MAML2: variants seen among roughly 807,000 people sequenced by gnomAD.
MAML2 encodes mastermind like transcriptional coactivator 2, also known as mastermind-like protein 2.
MAML2 carries 22 observed loss-of-function variants against 96.1 expected under a neutral mutation model. The observed-to-expected ratio is 0.23, with a 90% confidence interval of 0.16 to 0.33. The LOEUF (loss-of-function observed/expected upper bound fraction) is 0.33, where lower values mean the gene tolerates loss of function less well. Among genes scored for constraint, MAML2 ranks in the 10% least tolerant of loss-of-function variants. The pLI is 1.00. For missense variants in MAML2, 1,367 were observed against 1,392.4 expected (o/e 0.98, Z 0.29); for synonymous variants, 561 against 521.3 (o/e 1.08, Z -1.04).
chr11:96,256,822 C>T (rs1862675196), intron 1 of MAML2, among the ~76,000 whole-genome samples: 1 of 152,200 alleles, frequency 6.6e-6, no homozygotes, highest in Non-Finnish European at 1.5e-5. Context: ...GGCTGCAATA[C>T]ATCTGGTTTG....
At chr11:96,317,458 G>A (rs1863646978) in intron 1 of MAML2, among the ~76,000 whole-genome samples, 1 of 152,150 alleles carries the variant, frequency 6.6e-6, no homozygotes. Flanking sequence ...AATTATGAGG[G>A]TATGTGAGAT....
At chr11:96,305,615 A>C (rs777124014) in intron 1 of MAML2, among the ~76,000 whole-genome samples, 14 of 152,244 alleles carry the variant, frequency 9.2e-5, no homozygotes, top group Non-Finnish European at 1.8e-4. Context: ...TGGCAAAAAG[A>C]AAGTCTCATC....
At chr11:96,024,326 T>A (rs981631906) in intron 2 of MAML2, among the ~76,000 whole-genome samples, 1 of 152,266 alleles carries the variant, frequency 6.6e-6, no homozygotes, top group Non-Finnish European at 1.5e-5. Context: ...GACCTCTCTA[T>A]GCCTCAATTT....
At chr11:96,034,430 TGTGA>T (rs1174255690) in intron 2 of MAML2, among the ~76,000 whole-genome samples, 7 of 101,320 alleles carry the variant, frequency 6.9e-5, no homozygotes, top group Admixed American at 2.9e-4. Flanking sequence ...TGTGTGTGTG[TGTGA>T]GAGAGAGAGA....
At chr11:96,184,074 A>T (rs567023734) in intron 1 of MAML2, among the ~76,000 whole-genome samples, 2 of 151,818 alleles carry the variant, frequency 1.3e-5, no homozygotes, top group South Asian at 2.1e-4. Flanking sequence ...TCCTTTGAGG[A>T]TGGTACTCCC....
chr11:96,020,594 T>C (rs1249689478), intron 2 of MAML2, among the ~76,000 whole-genome samples: 1 of 152,218 alleles, frequency 6.6e-6, no homozygotes, highest in African/African-American at 2.4e-5. Flanking sequence ...CATGTGATTC[T>C]GATGCAGTGG....
chr11:96,309,104 G>A (rs1480825121), intron 1 of MAML2, among the ~76,000 whole-genome samples: 2 of 152,208 alleles, frequency 1.3e-5, no homozygotes, highest in African/African-American at 4.8e-5. Flanking sequence ...GTGTTAGCTG[G>A]CAATGTCTTT....
At chr11:96,106,015 C>T (rs1016744026) in intron 1 of MAML2, among the ~76,000 whole-genome samples, 5 of 152,148 alleles carry the variant, frequency 3.3e-5, no homozygotes, top group African/African-American at 1.2e-4. Flanking sequence ...CATTAAAATC[C>T]CACTACTTGC....
intron 1 of MAML2, among the ~76,000 whole-genome samples, chr11:96,140,376 C>G (rs553591577): frequency 6.6e-6 from 1 of 152,288 alleles, no homozygotes; most frequent in East Asian, 1.9e-4. Flanking sequence ...GAAAAGACAG[C>G]ATTAAAACCA....
intron 1 of MAML2, among the ~76,000 whole-genome samples, chr11:96,126,372 A>G (rs1431652662): frequency 1.3e-5 from 2 of 152,172 alleles, no homozygotes; most frequent in African/African-American, 4.8e-5. Flanking sequence ...AGCCTGACCA[A>G]TATGGTGAAA....
chr11:96,199,055 G>A (rs779071755), intron 1 of MAML2, among the ~76,000 whole-genome samples: 25 of 151,976 alleles, frequency 1.6e-4, no homozygotes, highest in Non-Finnish European at 2.9e-4. Flanking sequence ...AAAATTAGCC[G>A]GGCATGCTGG....
chr11:96,333,054 C>T (rs1009610935), intron 1 of MAML2, among the ~76,000 whole-genome samples: 5 of 152,100 alleles, frequency 3.3e-5, no homozygotes, highest in African/African-American at 4.8e-5. Context: ...TGAGAGCTAC[C>T]TGAAAAGAAC....
intron 1 of MAML2, among the ~76,000 whole-genome samples, chr11:96,103,915 G>A (rs577737624): frequency 1.2e-4 from 18 of 152,226 alleles, no homozygotes; most frequent in Non-Finnish European, 2.1e-4. Flanking sequence ...GATCATTTCC[G>A]TTTCAGATGC....
chr11:96,232,728 C>G (rs532491522), intron 1 of MAML2, among the ~76,000 whole-genome samples: 1 of 152,154 alleles, frequency 6.6e-6, no homozygotes, highest in Non-Finnish European at 1.5e-5. Flanking sequence ...ATCTCAGCCT[C>G]CCAAAGTGCT....
At chr11:95,993,738 C>T (rs534620990) in intron 2 of MAML2, among the ~76,000 whole-genome samples, 17 of 152,264 alleles carry the variant, frequency 1.1e-4, no homozygotes, top group African/African-American at 3.4e-4. Flanking sequence ...AGCCACAAGC[C>T]GAAAGCCTTG....
Position 96,198,795 on chromosome 11 carries a change from C to T in MAML2, c.514-105278G>A, listed in dbSNP as rs373044088. Among the ~76,000 whole-genome samples, 4 of 152,050 alleles carry T rather than the reference C, an allele frequency of 2.6e-5. No individual in the cohort carries two copies. In the East Asian group the frequency reaches 7.7e-4, roughly 29 times the overall value. On this transcript the variant is annotated intron_variant, in intron 1 of 4. Coordinates refer to ENST00000524717, the MANE Select transcript of MAML2 (RefSeq NM_032427.4). ...TACTTTTGGCTGGTCACATAACCACCCAAAATAAGGGCTACATTTTCCAGC... is the reference window on the plus strand; with the variant it reads ...TACTTTTGGCTGGTCACATAACCACTCAAAATAAGGGCTACATTTTCCAGC...
Position 96,342,507 on chromosome 11 carries a change from C to A in MAML2, c.-612G>T. 1 of 398,288 alleles carries A rather than the reference C, an allele frequency of 2.5e-6. No homozygotes were observed. The highest frequency in any genetic ancestry group is 1.3e-4 in the South Asian group (1 of 7,728). 24.7% of individuals were successfully genotyped at this position (398,288 alleles called of 1,614,324 possible). ...TTCAGAAGATGTTTAAGTCACTGTT[C>A]AAAATGTGCAAAAATCAAGGGAGAC... is the stretch of plus-strand genomic sequence containing the variant. On this transcript the variant is annotated 5_prime_UTR_variant, in exon 1 of 5. Transcript: ENST00000524717.
At chr11:96,134,010 A>T (rs564678550) in intron 1 of MAML2, among the ~76,000 whole-genome samples, 2 of 152,218 alleles carry the variant, frequency 1.3e-5, no homozygotes, top group African/African-American at 4.8e-5. Flanking sequence ...AAGAAAAAAA[A>T]AAGAAAACAG....
At position 96,343,180 on chromosome 11, in the gene MAML2, GAGAA is replaced by G. The variant is rs1864024606; in HGVS notation, c.-1289_-1286del. On this transcript the variant is annotated 5_prime_UTR_variant, in exon 1 of 5. Coordinates refer to ENST00000524717, the MANE Select transcript of MAML2 (RefSeq NM_032427.4). ...TCATTGTGCTCCGATAGGAGAGGGA[GAGAA>G]AGAGAGAGAGTGAGACAGAGAAGGA... is the stretch of plus-strand genomic sequence containing the variant. 1 of 302,244 alleles carries G rather than the reference GAGAA, an allele frequency of 3.3e-6. No homozygotes were observed. The highest frequency in any genetic ancestry group is 2.3e-5 in the African/African-American group (1 of 43,716). The allele number at this position is 302,244 out of a possible 1,614,324, so 18.7% of individuals were successfully genotyped here. A position where few individuals can be genotyped will look rare whatever the true frequency, so the allele number is the denominator to read the frequency against.
Sources: allele counts gnomAD v4.1 joint callset (sites outside exome capture counted in the v4.1 genomes callset), GRCh38; gene constraint gnomAD v4.1.1; transcripts MANE v1.5; gene names NCBI Gene and HGNC (gene_info 2026-07-23, HGNC 2026-07-21).